RAD54B: variants seen among roughly 807,000 people sequenced by gnomAD.
RAD54B encodes RAD54 homolog B.
RAD54B carries 78 observed loss-of-function variants against 95.8 expected under a neutral mutation model. The observed-to-expected ratio is 0.81, with a 90% CI of 0.68 to 0.98. RAD54B has a LOEUF of 0.98. Ranked by LOEUF, RAD54B falls within the 50% of genes least tolerant of loss-of-function variation. The pLI is 0.00. For missense variants in RAD54B, 957 were observed against 1,056.6 expected (o/e 0.91, Z 1.31); for synonymous variants, 328 against 354.9 (o/e 0.92, Z 0.85).
At chr8:94,400,142 A>C (rs75723731) in intron 7 of RAD54B, 96 bp downstream of exon 7, 20,944 of 1,074,384 alleles carry the variant, frequency 0.019, 263 homozygotes, top group Non-Finnish European at 0.024. Flanking sequence ...ATTTTTGTGC[A>C]AAAGGGTTAG....
intron 3 of RAD54B, chr8:94,431,734 G>A: frequency 8.1e-6 from 8 of 991,712 alleles, no homozygotes; most frequent in Non-Finnish European, 9.6e-6. Context: ...CTTGGTATTA[G>A]GTTAGTATAG....
intron 3 of RAD54B, chr8:94,436,479 A>G (rs1289140939): frequency 6.6e-7 from 1 of 1,518,106 alleles, no homozygotes; most frequent in Non-Finnish European, 8.8e-7. Context: ...CCATAACAAA[A>G]CAAAATAAAG....
At chr8:94,422,519 G>A (rs1183973125) in intron 3 of RAD54B, among the ~76,000 whole-genome samples, 3 of 143,570 alleles carry the variant, frequency 2.1e-5, no homozygotes, top group South Asian at 2.3e-4. Flanking sequence ...TCCGGGAGGC[G>A]GAGGTTGCAG....
intron 3 of RAD54B, among the ~76,000 whole-genome samples, chr8:94,422,651 T>TATATATAA (rs556821145): frequency 5.6e-5 from 5 of 88,892 alleles, no homozygotes; most frequent in Non-Finnish European, 6.6e-5. Context: ...TATATATATA[T>TATATATAA]ATAAAATTAT....
intron 4 of RAD54B, among the ~76,000 whole-genome samples, chr8:94,409,234 C>G (rs1022843755): frequency 6.6e-6 from 1 of 152,010 alleles, no homozygotes; most frequent in African/African-American, 2.4e-5. Context: ...ATTAAGCAAC[C>G]AAGTCCTATG....
chr8:94,422,574 C>T (rs1256110671), intron 3 of RAD54B, among the ~76,000 whole-genome samples: 1 of 96,102 alleles, frequency 1.0e-5, no homozygotes, highest in Non-Finnish European at 1.9e-5. Flanking sequence ...GACGATAGAG[C>T]GAGACTTCGT....
chr8:94,457,759 C>T (rs1304362910), intron 3 of RAD54B, among the ~76,000 whole-genome samples: 1 of 152,156 alleles, frequency 6.6e-6, no homozygotes. Flanking sequence ...ATAGTGTTCT[C>T]TTACATATAC....
intron 3 of RAD54B, among the ~76,000 whole-genome samples, chr8:94,442,861 C>T (rs1409027954): frequency 1.3e-5 from 2 of 152,158 alleles, no homozygotes; most frequent in Admixed American, 6.5e-5. Context: ...CCCCCCAGAG[C>T]TATAATTTCA....
chr8:94,439,907 G>A (rs1175514370), intron 3 of RAD54B, among the ~76,000 whole-genome samples: 1 of 152,262 alleles, frequency 6.6e-6, no homozygotes, highest in East Asian at 1.9e-4. Context: ...AAGAGTGCCT[G>A]GCTCTTACTT....
At chr8:94,467,240 T>C (rs932518565) in intron 2 of RAD54B, among the ~76,000 whole-genome samples, 165 bp downstream of exon 2, 4 of 151,872 alleles carry the variant, frequency 2.6e-5, no homozygotes, top group Non-Finnish European at 5.9e-5. Flanking sequence ...TTATTCCTTT[T>C]AAAAAAAAAT....
rs756874755 is a variant in RAD54B at position 94,407,530 on chromosome 8, G to A, written c.690C>T (p.Asn230=). 26 of 1,613,816 alleles carry A rather than the reference G, an allele frequency of 1.6e-5. No individual in the cohort carries two copies. Among genetic ancestry groups the A allele is most frequent in the Non-Finnish European group, 2.1e-5 (25 of 1,179,910 alleles). ...SSQVARKCFS[N]PFKSVCKPSS... The stretch of plus-strand genomic sequence containing the variant: ...TTGGTTTACAAACACTTTTGAAAGG[G>A]TTAGAGAAACATTTCCTGGCAACCT... Residue 230 remains asparagine (N), a synonymous_variant, in exon 5 of 15, where the codon AAC becomes AAT. Coordinates refer to ENST00000336148, the MANE Select transcript of RAD54B (RefSeq NM_012415.3).
intron 2 of RAD54B, among the ~76,000 whole-genome samples, chr8:94,462,752 G>A (rs930178602): frequency 1.3e-5 from 2 of 151,960 alleles, no homozygotes; most frequent in African/African-American, 4.8e-5. Context: ...TAAAATTGCT[G>A]TATAATTTCA....
chr8:94,411,274 C>T lies in RAD54B; in HGVS notation c.346G>A (p.Glu116Lys), dbSNP rs764595338. 6.2e-7 allele frequency: 1 copy of T among 1,605,638 alleles called. No individual in the cohort carries two copies. The change falls in exon 4 of 15, where the codon GAA (glutamate) becomes AAA (lysine). Residue 116 changes from glutamate to lysine, a missense_variant. Glu to Lys is a moderately conservative substitution (Grantham distance 56). Coordinates refer to ENST00000336148, the MANE Select transcript of RAD54B (RefSeq NM_012415.3). Reference protein sequence around the residue: ...PKEVAVSKEQEEKSDSLVKYF... With the variant: ...PKEVAVSKEQKEKSDSLVKYF... ...TTAACTAGGCTATCAGATTTCTCTT[C>T]TTGTTCCTTGGACACTGCTACTTCT...
In RAD54B at chr8:94,380,022, C is replaced by T. The variant is rs115639305; in HGVS notation, c.2247+123G>A. 1.0e-3 allele frequency: 1,127 copies of T among 1,116,934 alleles called. 7 individuals carry two copies. In the African/African-American group the frequency reaches 0.015, roughly 15 times the overall value. The allele number at this position is 1,116,934 out of a possible 1,614,324, so 69.2% of individuals were successfully genotyped here. On this transcript the variant is annotated intron_variant, in intron 12 of 14. Transcript: ENST00000336148. ...AGATGGAAAGCACTTAGGAGAGTGC[C>T]TCACGCAAAATAAGGGCTCTTTATG...
intron 3 of RAD54B, among the ~76,000 whole-genome samples, chr8:94,418,573 G>A (rs1192787276): frequency 2.0e-5 from 3 of 151,932 alleles, no homozygotes; most frequent in Admixed American, 6.6e-5. Flanking sequence ...ATATAGAATC[G>A]TTCCATCATC....
chr8:94,434,877 A>G (rs766308502), intron 3 of RAD54B, among the ~76,000 whole-genome samples: 1 of 151,502 alleles, frequency 6.6e-6, no homozygotes, highest in African/African-American at 2.4e-5. Flanking sequence ...AAATGTTCAT[A>G]TCCCAAAAGA....
At chr8:94,391,319 G>C (rs2129984419) in intron 10 of RAD54B, among the ~76,000 whole-genome samples, 1 of 151,320 alleles carries the variant, frequency 6.6e-6, no homozygotes, top group African/African-American at 2.4e-5. Flanking sequence ...AATAGGAAGG[G>C]AGACGATCGC....
intron 3 of RAD54B, chr8:94,432,329 C>G (rs752850125): frequency 6.5e-7 from 1 of 1,550,322 alleles, no homozygotes; most frequent in South Asian, 1.2e-5. Context: ...TTTGCAGGAT[C>G]TGAGGATCAT....
intron 1 of RAD54B, among the ~76,000 whole-genome samples, chr8:94,468,769 C>A (rs1288303234): frequency 6.6e-6 from 1 of 151,854 alleles, no homozygotes; most frequent in Non-Finnish European, 1.5e-5. Context: ...GCGGAGCTTG[C>A]AGTGAGCTCA....
Sources: allele counts gnomAD v4.1 joint callset (sites outside exome capture counted in the v4.1 genomes callset), GRCh38; gene constraint gnomAD v4.1.1; transcripts MANE v1.5; gene names NCBI Gene and HGNC (gene_info 2026-07-23, HGNC 2026-07-21).